The following TANK variants were observed in gnomAD, a reference collection of about 807,000 sequenced individuals.
TANK encodes TRAF family member associated NFKB activator.
A neutral mutation model predicts 43.6 loss-of-function variants in TANK; 15 were observed. That is an observed-to-expected ratio of 0.34 (90% CI 0.23 to 0.53). The LOEUF (loss-of-function observed/expected upper bound fraction) is 0.53, where lower values mean the gene tolerates loss of function less well. Among genes scored for constraint, TANK ranks in the 20% least tolerant of loss-of-function variants. TANK has a pLI of 0.94. For missense variants in TANK, 417 were observed against 498.6 expected (o/e 0.84, Z 1.56); for synonymous variants, 162 against 178.2 (o/e 0.91, Z 0.73).
At chr2:161,170,122 A>G (rs1453129192) in intron 1 of TANK, among the ~76,000 whole-genome samples, 1 of 152,164 alleles carries the variant, frequency 6.6e-6, no homozygotes, top group Non-Finnish European at 1.5e-5. Flanking sequence ...TCTCTCAACT[A>G]TCTGTAGATA....
intron 2 of TANK, among the ~76,000 whole-genome samples, chr2:161,185,812 T>C (rs1408655304): frequency 6.6e-5 from 10 of 151,876 alleles, no homozygotes; most frequent in African/African-American, 1.7e-4. Flanking sequence ...TGTATACATA[T>C]GTAACTAACC....
chr2:161,197,788 C>G lies in TANK; in HGVS notation c.100-5699C>G, dbSNP rs796357975. ...ATTCATGTGGGAGCAGCCCTTATAA[C>G]TTAATACCTCCTAAAAGGCCCCACT... On this transcript the variant is annotated intron_variant, in intron 2 of 7. Transcript: ENST00000392749. Among the ~76,000 whole-genome samples, 79 of 152,244 alleles carry G rather than the reference C, an allele frequency of 5.2e-4. 1 individual carries two copies. The highest frequency in any genetic ancestry group is 1.8e-3 in the African/African-American group (75 of 41,542).
intron 2 of TANK, among the ~76,000 whole-genome samples, chr2:161,199,234 A>T (rs1686295324): frequency 6.6e-6 from 1 of 152,074 alleles, no homozygotes; most frequent in Non-Finnish European, 1.5e-5. Context: ...AAGGTTTTTG[A>T]ATTGGGACTA....
At chr2:161,215,030 A>G (rs1475970131) in intron 4 of TANK, among the ~76,000 whole-genome samples, 2 of 152,198 alleles carry the variant, frequency 1.3e-5, no homozygotes, top group Non-Finnish European at 2.9e-5. Flanking sequence ...CTCTGCAAAC[A>G]CAAGCCTAAG....
At chr2:161,184,128 A>G (rs1204451186) in intron 2 of TANK, among the ~76,000 whole-genome samples, 6 of 152,150 alleles carry the variant, frequency 3.9e-5, no homozygotes, top group African/African-American at 1.4e-4. Flanking sequence ...ACCACAAGGA[A>G]TCATATAGCT....
At chr2:161,162,446 A>T (rs1007716423) in intron 1 of TANK, 1 of 152,028 alleles carries the variant, frequency 6.6e-6, no homozygotes, top group African/African-American at 2.4e-5. Context: ...TAAATTTATT[A>T]ATTTTAATAA....
intron 2 of TANK, chr2:161,201,250 T>A: frequency 1.0e-6 from 1 of 964,046 alleles, no homozygotes; most frequent in Non-Finnish European, 1.2e-6. Flanking sequence ...TAGCCATTGA[T>A]CCATTAATTT....
At chr2:161,225,431 A>G (rs1424838614) in intron 6 of TANK, among the ~76,000 whole-genome samples, 1 of 152,208 alleles carries the variant, frequency 6.6e-6, no homozygotes, top group East Asian at 1.9e-4. Flanking sequence ...CACATTTAGT[A>G]TAAAATATAA....
chr2:161,150,119 T>C (rs1684032348), intron 1 of TANK, among the ~76,000 whole-genome samples: 1 of 152,104 alleles, frequency 6.6e-6, no homozygotes, highest in South Asian at 2.1e-4. Flanking sequence ...GGCTTCTTTG[T>C]GGGGAGATTT....
At chr2:161,213,694 AT>A (rs201255345) in intron 4 of TANK, among the ~76,000 whole-genome samples, 15,440 of 92,798 alleles carry the variant, frequency 0.17, 1,247 homozygotes, top group African/African-American at 0.33. Context: ...ACCTGCTGTT[AT>A]TTTTTTTTTT....
At chr2:161,191,469 T>G (rs1489272344) in intron 2 of TANK, among the ~76,000 whole-genome samples, 1 of 152,216 alleles carries the variant, frequency 6.6e-6, no homozygotes, top group Non-Finnish European at 1.5e-5. Flanking sequence ...GTCATCATCT[T>G]CATCACTAAG....
chr2:161,158,027 C>A (rs1303286234), upstream of TANK, among the ~76,000 whole-genome samples: 3 of 151,922 alleles, frequency 2.0e-5, no homozygotes, highest in African/African-American at 7.3e-5. Flanking sequence ...CCCTCATTTT[C>A]TTTTAATAAT....
intron 4 of TANK, among the ~76,000 whole-genome samples, chr2:161,215,434 A>G (rs1225704087): frequency 6.6e-6 from 1 of 152,178 alleles, no homozygotes; most frequent in East Asian, 1.9e-4. Context: ...ATGCTTGTAA[A>G]TTAATCTATA....
intron 1 of TANK, among the ~76,000 whole-genome samples, chr2:161,175,319 G>A (rs753495412): frequency 1.3e-5 from 2 of 152,108 alleles, no homozygotes; most frequent in African/African-American, 2.4e-5. Context: ...GAATTTTAAA[G>A]ATTTAATCTA....
rs1688142873 is a variant in TANK, at chr2:161,235,674, A to AT, written c.*162dup. 4 of 543,660 alleles carry AT rather than the reference A, an allele frequency of 7.4e-6. No homozygotes were observed. Among genetic ancestry groups the AT allele is most frequent in the Non-Finnish European group, 1.2e-5 (4 of 335,668 alleles). The allele number at this position is 543,660 out of a possible 1,614,324, so 33.7% of individuals were successfully genotyped here. A position where few individuals can be genotyped will look rare whatever the true frequency, so the allele number is the denominator to read the frequency against. On this transcript the variant is annotated 3_prime_UTR_variant, in exon 8 of 8. Transcript: ENST00000392749. ...TTTCTGGATTTACTATATAACTCTT[A>AT]TTTTTTAAAAGATCATTCTGTTCTT...
chr2:161,229,293 A>AG (rs1687789204), intron 6 of TANK, among the ~76,000 whole-genome samples: 1 of 152,230 alleles, frequency 6.6e-6, no homozygotes, highest in Admixed American at 6.5e-5. Context: ...AGAGATGACC[A>AG]GGGGCCAGTC....
At chr2:161,213,474 G>T (rs533338320) in intron 4 of TANK, among the ~76,000 whole-genome samples, 1 of 151,908 alleles carries the variant, frequency 6.6e-6, no homozygotes, top group Middle Eastern at 3.4e-3. Flanking sequence ...ATGATGGTGG[G>T]TGCTTGTAAT....
intron 4 of TANK, among the ~76,000 whole-genome samples, chr2:161,220,009 T>A (rs533720602): frequency 1.1e-4 from 16 of 152,272 alleles, no homozygotes; most frequent in African/African-American, 3.8e-4. Context: ...TTGATCCAAG[T>A]AAGGATTCTC....
chr2:161,169,518 A>G (rs1235988822), intron 1 of TANK, among the ~76,000 whole-genome samples: 1 of 152,220 alleles, frequency 6.6e-6, no homozygotes, highest in Non-Finnish European at 1.5e-5. Flanking sequence ...AATTTTCCAT[A>G]ATGAAGAGAC....
Sources: gnomAD v4.1 joint callset for allele counts (sites outside exome capture counted in the v4.1 genomes callset) on GRCh38, gnomAD v4.1.1 for gene constraint, MANE v1.5 for transcripts, NCBI Gene and HGNC (gene_info 2026-07-23, HGNC 2026-07-21) for gene names.